The following HIVEP1 variants were observed in gnomAD, a reference collection of about 807,000 sequenced individuals.
HIVEP1 encodes the protein HIVEP zinc finger 1.
In HIVEP1, 36 loss-of-function variants were observed where a neutral mutation model predicts 180.0. The ratio of observed to expected loss-of-function variants is 0.20; its 90% CI spans 0.15 to 0.26. The LOEUF is 0.26. HIVEP1 is among the 10% of genes least tolerant of loss of function. The probability of loss-of-function intolerance (pLI) is 1.00; values close to 1 mark genes in which losing one functional copy is unlikely to be tolerated. For synonymous variants in HIVEP1, 1,239 were observed against 1,239.0 expected (o/e 1.00, Z 0.00); for missense variants, 3,143 against 3,268.7 (o/e 0.96, Z 0.94).
In HIVEP1 at chr6:12,124,757, C is replaced by T; in HGVS notation, c.4962C>T (p.Ser1654=). ...CTTACTGTTTTGCTACACTCACATC[C>T]CTGCCACAAATACTAGTGACCCAAG... is the stretch of plus-strand genomic sequence containing the variant. ...VPAYCFATLT[S]LPQILVTQDL... The change falls in exon 4 of 9, where the codon TCC becomes TCT. Residue 1654 remains serine, a synonymous_variant. Transcript: ENST00000379388. 6.2e-7 allele frequency: 1 copy of T among 1,614,150 alleles called. No individual in the cohort carries two copies. Among genetic ancestry groups the T allele is most frequent in the Non-Finnish European group, 8.5e-7 (1 of 1,180,022 alleles).
chr6:12,103,186 A>G (rs1774212799), intron 3 of HIVEP1, among the ~76,000 whole-genome samples: 1 of 23,264 alleles, frequency 4.3e-5, no homozygotes, highest in African/African-American at 6.9e-5. Flanking sequence ...TTGATTATGT[A>G]ATAATAATAA....
chr6:12,130,489 A>C (rs1259855881), intron 5 of HIVEP1, among the ~76,000 whole-genome samples: 1 of 152,154 alleles, frequency 6.6e-6, no homozygotes, highest in East Asian at 1.9e-4. Flanking sequence ...ATTGAGCTAC[A>C]ATCACACCAC....
At chr6:12,165,032 C>A, downstream of HIVEP1, 2 of 453,314 alleles carry the variant, frequency 4.4e-6, no homozygotes, top group Non-Finnish European at 4.3e-6. Flanking sequence ...TTTATATCAT[C>A]CAGTGATCAG....
chr6:12,050,941 C>T (rs1293547833), intron 2 of HIVEP1, among the ~76,000 whole-genome samples: 8 of 145,184 alleles, frequency 5.5e-5, no homozygotes, highest in Non-Finnish European at 1.2e-4. Context: ...CTGGGTTGGC[C>T]GTTGCTTCCA....
the HIVEP1 span, among the ~76,000 whole-genome samples, chr6:12,186,389 G>C: frequency 6.6e-6 from 1 of 151,832 alleles, no homozygotes; most frequent in East Asian, 1.9e-4. Context: ...AACTTATGAA[G>C]TCAGAAGGCA....
intron 3 of HIVEP1, among the ~76,000 whole-genome samples, chr6:12,103,594 G>C (rs143454861): frequency 0.01 from 1,587 of 151,886 alleles, 30 homozygotes; most frequent in African/African-American, 0.036. Context: ...GGACTTAACT[G>C]TATTAGGCAG....
chr6:12,089,145 AG>A (rs1470840204), intron 2 of HIVEP1, 38 bp from the exon 3 acceptor site: 4 of 1,131,166 alleles, frequency 3.5e-6, no homozygotes, highest in Non-Finnish European at 5.3e-6. Flanking sequence ...TATTTGTTTA[AG>A]GTAAATTAAT....
intron 7 of HIVEP1, among the ~76,000 whole-genome samples, chr6:12,138,697 G>A (rs2113600811): frequency 6.6e-6 from 1 of 152,144 alleles, no homozygotes; most frequent in East Asian, 1.9e-4. Flanking sequence ...TGCTGATGAT[G>A]CCCCAGTTCA....
intron 2 of HIVEP1, chr6:12,020,128 A>C (rs1217260712): frequency 6.8e-6 from 2 of 293,230 alleles, no homozygotes; most frequent in African/African-American, 2.2e-5. Flanking sequence ...ACAGTGTCCG[A>C]CTTGATGGGT....
chr6:12,027,751 C>G (rs1163565535), intron 2 of HIVEP1, among the ~76,000 whole-genome samples: 1 of 152,192 alleles, frequency 6.6e-6, no homozygotes, highest in East Asian at 1.9e-4. Context: ...ACCAGGTCAT[C>G]TGAGTGATTG....
intron 2 of HIVEP1, among the ~76,000 whole-genome samples, chr6:12,016,326 G>A (rs1767745504): frequency 6.6e-6 from 1 of 152,136 alleles, no homozygotes; most frequent in African/African-American, 2.4e-5. Context: ...TTGTTCTCGT[G>A]TTATATCAAT....
intron 2 of HIVEP1, among the ~76,000 whole-genome samples, chr6:12,069,544 G>C (rs1307682296): frequency 7.1e-6 from 1 of 141,792 alleles, no homozygotes; most frequent in Non-Finnish European, 1.5e-5. Flanking sequence ...GACACAGGAA[G>C]GGGAACATCA....
intron 4 of HIVEP1, chr6:12,129,476 C>A: frequency 2.3e-6 from 1 of 433,452 alleles, no homozygotes; most frequent in South Asian, 2.0e-5. Context: ...TTCTGTTAAA[C>A]TTAAGAAATA....
chr6:12,038,423 C>G (rs926599165), intron 2 of HIVEP1: 1 of 152,210 alleles, frequency 6.6e-6, no homozygotes, highest in Non-Finnish European at 1.5e-5. Flanking sequence ...ATTGTAATCC[C>G]AGCACTTTGG....
Position 12,063,691 on chromosome 6 carries a change from A to G in HIVEP1, c.41-25493A>G, listed in dbSNP as rs530049484. ...AATCAGAGGACTTGGGGATTGCCAG[A>G]GTATTACACATTTGACAGCACTTAA... On this transcript the variant is annotated intron_variant, in intron 2 of 8. Transcript: ENST00000379388. This position sits in a 1 kb window ranked among gnomAD's most constrained non-coding sequence, Gnocchi z 4.2. Among the ~76,000 whole-genome samples the G allele has an allele frequency of 2.0e-5, 3 of 152,312 alleles. No homozygotes were observed. Among genetic ancestry groups the G allele is most frequent in the African/African-American group, 7.2e-5 (3 of 41,572 alleles).
At position 12,119,983 on chromosome 6, in the gene HIVEP1, C is replaced by T. The variant is rs1408465101; in HGVS notation, c.188C>T (p.Pro63Leu). The change falls in exon 4 of 9, where the codon CCA becomes CTA. Residue 63 changes from proline (P) to leucine (L), a missense_variant. Physicochemically the swap from Pro to Leu is moderately conservative, Grantham distance 98 (BLOSUM62 -3). Coordinates refer to ENST00000379388, the MANE Select transcript of HIVEP1 (RefSeq NM_002114.4). ...IVAENHLKKIPKSPLRNPLQA... is the reference protein window; with the variant it reads ...IVAENHLKKILKSPLRNPLQA... ...GCTGAGAATCACCTGAAAAAAATAC[C>T]AAAATCCCCACTGAGAAATCCTCTT... 3 of 1,610,758 alleles carry T rather than the reference C, an allele frequency of 1.9e-6. No individual in the cohort carries two copies. Among genetic ancestry groups the T allele is most frequent in the Non-Finnish European group, 2.5e-6 (3 of 1,179,016 alleles).
chr6:12,068,655 C>T (rs1446746520), intron 2 of HIVEP1, among the ~76,000 whole-genome samples: 5 of 151,966 alleles, frequency 3.3e-5, no homozygotes, highest in Non-Finnish European at 7.4e-5. Flanking sequence ...ATGTGTAAAT[C>T]GTCACACATA....
rs183919100 is a variant in HIVEP1, at chr6:12,067,669, A to C, written c.41-21515A>C. On this transcript the variant is annotated intron_variant, in intron 2 of 8. Coordinates refer to ENST00000379388, the MANE Select transcript of HIVEP1 (RefSeq NM_002114.4). ...GTGTGTCCAGCTCTGTGCTGAGGAC[A>C]GTGGTGAGCAACTCCTGCTTGTGTC... is the stretch of plus-strand genomic sequence containing the variant. Among the ~76,000 whole-genome samples the C allele has an allele frequency of 5.9e-5, 9 of 152,228 alleles. No homozygotes were observed. The East Asian group carries it at 1.7e-3, about 29-fold the overall frequency.
chr6:12,124,961 C>G lies in HIVEP1; in HGVS notation c.5166C>G (p.Ser1722=), dbSNP rs1479390274. ...EMSQNSSLSE[S]LPITQKISVG... ...GCCAAAATTCTTCTCTATCAGAATC[C>G]TTGCCCATAACTCAGAAAATATCTG... The change falls in exon 4 of 9, where the codon TCC becomes TCG. Residue 1722 remains serine, a synonymous_variant. Transcript: ENST00000379388. 1.2e-6 allele frequency: 2 copies of G among 1,614,114 alleles called. No homozygotes were observed. The highest frequency in any genetic ancestry group is 3.3e-5 in the Admixed American group (2 of 59,998).
Sources: allele counts gnomAD v4.1 joint callset (sites outside exome capture counted in the v4.1 genomes callset), GRCh38; gene constraint gnomAD v4.1.1; non-coding constraint Gnocchi (gnomAD v3.1); transcripts MANE v1.5; gene names NCBI Gene and HGNC (gene_info 2026-07-23, HGNC 2026-07-21).